Variants in LZIC observed in about 807,000 individuals in gnomAD.
The protein encoded by LZIC is leucine zipper and CTNNBIP1 domain containing.
Under a neutral mutation model 25.4 loss-of-function variants are expected in LZIC, and 28 were observed. The observed-to-expected ratio is 1.10, with a 90% confidence interval of 0.82 to 1.51. LZIC has a LOEUF of 1.51. LZIC is among the 40% of genes most tolerant of loss of function. The pLI is 0.00. For missense variants in LZIC, 170 were observed against 211.1 expected (o/e 0.81, Z 1.21); for synonymous variants, 65 against 70.7 (o/e 0.92, Z 0.40).
intron 7 of LZIC, among the ~76,000 whole-genome samples, chr1:9,930,928 G>A (rs1409592703): frequency 1.3e-5 from 2 of 151,766 alleles, no homozygotes; most frequent in African/African-American, 4.8e-5. Flanking sequence ...CCTGTTGGCC[G>A]GGCTGGTCTC....
intron 7 of LZIC, 76 bp downstream of exon 7, chr1:9,931,815 C>A: frequency 1.1e-6 from 1 of 930,224 alleles, no homozygotes; most frequent in Non-Finnish European, 1.6e-6. Flanking sequence ...GTTATTTCAA[C>A]CACACTCTCC....
At chr1:9,925,994 C>T (rs1245434300), downstream of LZIC, among the ~76,000 whole-genome samples, 5 of 143,240 alleles carry the variant, frequency 3.5e-5, no homozygotes, top group East Asian at 2.1e-4. Flanking sequence ...CCCGGGTTCA[C>T]GCCATTCTCC....
chr1:9,940,588 G>A (rs2101612735), intron 2 of LZIC, among the ~76,000 whole-genome samples: 1 of 152,254 alleles, frequency 6.6e-6, no homozygotes, highest in Middle Eastern at 3.4e-3. Flanking sequence ...AAAGTGCTGG[G>A]GTTACAGGCG....
rs552067781 is a variant in LZIC, at chr1:9,939,208, C to T, written c.-8-2581G>A. On this transcript the variant is annotated intron_variant, in intron 2 of 7. Transcript: ENST00000377223. ...TTCTCCTGCCTCAGCCTCTTGAGTG[C>T]GTGCCACCACGTCCGGCTAATTTTT... is the stretch of plus-strand genomic sequence containing the variant. Among the ~76,000 whole-genome samples the T allele has an allele frequency of 1.1e-4, 16 of 151,204 alleles. No individual in the cohort carries two copies. The South Asian group carries it at 2.7e-3, about 26-fold the overall frequency.
rs1640070963 is a variant in LZIC, at chr1:9,928,170, C to A, written c.*2229G>T. Among the ~76,000 whole-genome samples the A allele has an allele frequency of 6.6e-6, 1 of 151,924 alleles. No individual in the cohort carries two copies. Among genetic ancestry groups the A allele is most frequent in the African/African-American group, 2.4e-5 (1 of 41,366 alleles). ...TCTCTACTAAAAACACAAAATTAGC[C>A]AGGTGTGGTGGCGCATGCCTTAATC... On this transcript the variant is annotated 3_prime_UTR_variant, in exon 8 of 8. Transcript: ENST00000377223.
intron 5 of LZIC, among the ~76,000 whole-genome samples, chr1:9,934,469 T>G (rs1050544592): frequency 3.3e-5 from 5 of 152,210 alleles, no homozygotes; most frequent in African/African-American, 9.6e-5. Flanking sequence ...ATACAAGCAA[T>G]GCTGCTAATT....
At position 9,929,877 on chromosome 1, in the gene LZIC, C is replaced by T. The variant is rs970494351; in HGVS notation, c.*522G>A. 5.2e-6 allele frequency: 5 copies of T among 962,758 alleles called. No individual in the cohort carries two copies. Among genetic ancestry groups the T allele is most frequent in the East Asian group, 1.2e-4 (1 of 8,694 alleles). The allele number at this position is 962,758 out of a possible 1,614,324, so 59.6% of individuals were successfully genotyped here. A position where few individuals can be genotyped will look rare whatever the true frequency, so the allele number is the denominator to read the frequency against. ...GAGTCTTACCCTCAGCTCTCTGATG[C>T]GACTTTAAGCAAAGTCGCTTGCTCT... On this transcript the variant is annotated 3_prime_UTR_variant, in exon 8 of 8. Coordinates refer to ENST00000377223, the MANE Select transcript of LZIC (RefSeq NM_032368.5).
rs1317154438 is a variant in LZIC, at chr1:9,926,873, CT to C, written c.*3525del. 7.2e-5 allele frequency among the ~76,000 whole-genome samples: 11 copies of C among 152,310 alleles called. No individual in the cohort carries two copies. Among genetic ancestry groups the C allele is most frequent in the Admixed American group, 7.2e-4 (11 of 15,282 alleles). Reference sequence around the variant, plus strand: ...ACACAGTTTATAAGTCATTTAATAACTATAATTGCATAGAATTTACTCACTT... The same window carrying C: ...ACACAGTTTATAAGTCATTTAATAACATAATTGCATAGAATTTACTCACTT... On this transcript the variant is annotated 3_prime_UTR_variant, in exon 8 of 8. Transcript: ENST00000377223.
chr1:9,923,019 C>T (rs1421455825), downstream of LZIC, among the ~76,000 whole-genome samples: 3 of 152,032 alleles, frequency 2.0e-5, no homozygotes, highest in African/African-American at 7.2e-5. Flanking sequence ...TTTAGCACAA[C>T]TTTTAAGAGA....
intron 3 of LZIC, 22 bp from the exon 4 acceptor site, chr1:9,935,649 A>T: frequency 6.3e-7 from 1 of 1,577,524 alleles, no homozygotes; most frequent in Non-Finnish European, 8.6e-7. Context: ...GAACATCATG[A>T]TATGGAAAAA....
At chr1:9,931,859 C>A in intron 7 of LZIC, 32 bp downstream of exon 7, 2 of 1,463,960 alleles carry the variant, frequency 1.4e-6, no homozygotes, top group Non-Finnish European at 9.5e-7. Context: ...CAGTAGTATA[C>A]GACCAGCTTT....
chr1:9,941,206 T>A (rs1640713511), intron 2 of LZIC, among the ~76,000 whole-genome samples: 1 of 151,942 alleles, frequency 6.6e-6, no homozygotes, highest in Non-Finnish European at 1.5e-5. Flanking sequence ...CTTTCCTCTT[T>A]CTTTTTTTTT....
Position 9,932,809 on chromosome 1 carries a change from T to C in LZIC, c.426A>G (p.Gly142=), listed in dbSNP as rs957927346. ...VEILTALRKL[G]EKLTADDEAF... is the part of the protein sequence containing the mutation. ...ATATATTAAATACTGGTACCTTCTC[T>C]CCAAGTTTCCTAAGAGCTGTTAGTA... The change falls in exon 6 of 8, where the codon GGA becomes GGG. Residue 142 remains glycine, a synonymous_variant. Transcript: ENST00000377223. The C allele has an allele frequency of 1.9e-6, 3 of 1,591,556 alleles. No individual in the cohort carries two copies. Among genetic ancestry groups the C allele is most frequent in the South Asian group, 1.1e-5 (1 of 90,492 alleles).
Position 9,928,261 on chromosome 1 carries a change from C to A in LZIC, c.*2138G>T, listed in dbSNP as rs867491195. 6.6e-6 allele frequency among the ~76,000 whole-genome samples: 1 copy of A among 151,896 alleles called. No individual in the cohort carries two copies. The highest frequency in any genetic ancestry group is 1.5e-5 in the Non-Finnish European group (1 of 67,996). ...CTGGGAGGCAGAAGTTGTGGTGAGC[C>A]GAGATCACGCCATTGCACTCCAGCC... On this transcript the variant is annotated 3_prime_UTR_variant, in exon 8 of 8. Transcript: ENST00000377223.
At chr1:9,940,100 C>G (rs1341170053) in intron 2 of LZIC, among the ~76,000 whole-genome samples, 4 of 151,650 alleles carry the variant, frequency 2.6e-5, no homozygotes, top group African/African-American at 2.4e-5. Context: ...GCCTGGGAGA[C>G]AGAGTGAGAC....
At chr1:9,939,542 C>CTTTTTT (rs34837155) in intron 2 of LZIC, among the ~76,000 whole-genome samples, 5 of 81,968 alleles carry the variant, frequency 6.1e-5, no homozygotes, top group Non-Finnish European at 9.1e-5. Context: ...CCACATCTGC[C>CTTTTTT]TTTTTTTTTT....
rs1210187313 is a variant in LZIC, at chr1:9,942,782, G to A, written c.-167C>T. The A allele has an allele frequency of 7.3e-6, 7 of 958,874 alleles. No individual in the cohort carries two copies. Among genetic ancestry groups the A allele is most frequent in the African/African-American group, 3.4e-5 (2 of 59,282 alleles). The allele number at this position is 958,874 out of a possible 1,614,324, so 59.4% of individuals were successfully genotyped here. A position where few individuals can be genotyped will look rare whatever the true frequency, so the allele number is the denominator to read the frequency against. On this transcript the variant is annotated splice_region_variant and 5_prime_UTR_variant, in exon 2 of 8. Transcript: ENST00000377223. ...GTTCAAACCACCTCGGGGTGGAGAT[G>A]CTGGAAAAAAGGAAACCATTAACAA...
chr1:9,933,014 G>A, intron 5 of LZIC, 116 bp from the exon 6 acceptor site: 4 of 639,464 alleles, frequency 6.3e-6, no homozygotes, highest in Admixed American at 2.7e-5. Context: ...CACTTTGGGC[G>A]GATCACGAGG....
chr1:9,936,660 A>T (rs545919116), intron 2 of LZIC, 33 bp from the exon 3 acceptor site: 62 of 1,363,784 alleles, frequency 4.5e-5, no homozygotes, highest in Non-Finnish European at 6.1e-5. Flanking sequence ...ATACCATATG[A>T]AATTAACATA....
Sources: gnomAD v4.1 joint callset for allele counts (sites outside exome capture counted in the v4.1 genomes callset) on GRCh38, gnomAD v4.1.1 for gene constraint, MANE v1.5 for transcripts, NCBI Gene and HGNC (gene_info 2026-07-23, HGNC 2026-07-21) for gene names.